The following GPC6 variants were observed in gnomAD, a reference collection of about 807,000 sequenced individuals.
The protein encoded by GPC6 is glypican 6.
Under a neutral mutation model 55.2 loss-of-function variants are expected in GPC6, and 14 were observed. That is an observed-to-expected ratio of 0.25 (90% CI 0.17 to 0.40). The LOEUF (loss-of-function observed/expected upper bound fraction) is 0.40. Among genes scored for constraint, GPC6 ranks in the 10% least tolerant of loss-of-function variants. The pLI is 1.00. For synonymous variants in GPC6, 278 were observed against 259.6 expected (o/e 1.07, Z -0.68); for missense variants, 641 against 708.5 (o/e 0.90, Z 1.08).
intron 1 of GPC6, among the ~76,000 whole-genome samples, chr13:93,478,499 A>G (rs544056849): frequency 1.3e-5 from 2 of 152,328 alleles, no homozygotes; most frequent in African/African-American, 4.8e-5. Context: ...CCAGAAAAAA[A>G]TTCCTGAAAT....
At chr13:93,851,034 A>C (rs1888374670) in intron 3 of GPC6, among the ~76,000 whole-genome samples, 1 of 151,962 alleles carries the variant, frequency 6.6e-6, no homozygotes, top group African/African-American at 2.4e-5. Context: ...TGGCTTGAGA[A>C]TCTAACTACT....
chr13:93,854,686 T>G (rs1364854885), intron 3 of GPC6, among the ~76,000 whole-genome samples: 1 of 151,782 alleles, frequency 6.6e-6, no homozygotes, highest in Non-Finnish European at 1.5e-5. Context: ...TTCTTATCCA[T>G]TAATCAACTA....
At chr13:93,348,490 C>T (rs1880506547) in intron 1 of GPC6, among the ~76,000 whole-genome samples, 2 of 152,086 alleles carry the variant, frequency 1.3e-5, no homozygotes, top group South Asian at 2.1e-4. Context: ...AGATTTTGTT[C>T]GCAGATGAAG....
At chr13:93,845,926 A>C (rs1013711969) in intron 3 of GPC6, among the ~76,000 whole-genome samples, 6 of 151,624 alleles carry the variant, frequency 4.0e-5, no homozygotes, top group African/African-American at 1.5e-4. Flanking sequence ...TGGCACATGT[A>C]TACATATGCA....
intron 3 of GPC6, among the ~76,000 whole-genome samples, chr13:93,912,226 T>G (rs1190331625): frequency 6.6e-6 from 1 of 152,244 alleles, no homozygotes; most frequent in African/African-American, 2.4e-5. Context: ...TTCAAACTAG[T>G]GATGTTTTGC....
intron 2 of GPC6, among the ~76,000 whole-genome samples, chr13:93,766,193 A>C (rs754186235): frequency 3.3e-5 from 5 of 152,234 alleles, no homozygotes; most frequent in Non-Finnish European, 7.3e-5. Flanking sequence ...ATTCAGCAAA[A>C]GAATTAAGAA....
chr13:94,012,459 A>G (rs2138700697), intron 3 of GPC6, among the ~76,000 whole-genome samples: 1 of 152,358 alleles, frequency 6.6e-6, no homozygotes, highest in East Asian at 1.9e-4. Context: ...ACTAGATAGC[A>G]TTAATGCAAC....
At chr13:93,989,932 G>GTATATATATATATATGTA (rs143198551) in intron 3 of GPC6, among the ~76,000 whole-genome samples, 3 of 146,110 alleles carry the variant, frequency 2.1e-5, no homozygotes, top group South Asian at 2.1e-4. Flanking sequence ...ATATATATAT[G>GTATATATATATATATGTA]TATATATATA....
intron 1 of GPC6, among the ~76,000 whole-genome samples, chr13:93,481,708 T>C (rs1879528828): frequency 6.6e-6 from 1 of 152,086 alleles, no homozygotes; most frequent in African/African-American, 2.4e-5. Context: ...ATTTCCTCCA[T>C]TGAATGGCCA....
rs147340937 is a variant in GPC6 at position 93,482,762 on chromosome 13, T to C, written c.161-62501T>C. ...TTTTCCTTTTTGTTACAGGAAATTA[T>C]AGACCCCAAATTGAGATGTATGAAA... On this transcript the variant is annotated intron_variant, in intron 1 of 8. Coordinates refer to ENST00000377047, the MANE Select transcript of GPC6 (RefSeq NM_005708.5). 7.4e-3 allele frequency among the ~76,000 whole-genome samples: 1,129 copies of C among 152,294 alleles called. 4 individuals carry two copies. The highest frequency in any genetic ancestry group is 0.01 in the Non-Finnish European group (708 of 68,024).
intron 5 of GPC6, among the ~76,000 whole-genome samples, chr13:94,295,776 A>G (rs901030564): frequency 5.9e-5 from 9 of 152,088 alleles, no homozygotes; most frequent in African/African-American, 1.9e-4. Flanking sequence ...CTTCTGCCTG[A>G]TTTCTAAGAA....
chr13:93,941,330 C>T (rs1352442981), intron 3 of GPC6, among the ~76,000 whole-genome samples: 1 of 152,080 alleles, frequency 6.6e-6, no homozygotes, highest in African/African-American at 2.4e-5. Context: ...TAGTAAAATG[C>T]TGTGCATGGT....
intron 4 of GPC6, among the ~76,000 whole-genome samples, chr13:94,266,411 G>A (rs569231402): frequency 1.1e-4 from 16 of 152,104 alleles, no homozygotes; most frequent in African/African-American, 2.2e-4. Context: ...CTCGTGATCC[G>A]CCCGCCTTGG....
chr13:94,295,754 G>A (rs1325422253), intron 5 of GPC6, among the ~76,000 whole-genome samples: 1 of 152,046 alleles, frequency 6.6e-6, no homozygotes, highest in Non-Finnish European at 1.5e-5. Context: ...TCATTGACAG[G>A]TTGTTTGGTC....
intron 4 of GPC6, among the ~76,000 whole-genome samples, chr13:94,038,065 TTTTA>T (rs1438974930): frequency 3.9e-5 from 6 of 152,088 alleles, no homozygotes; most frequent in Non-Finnish European, 8.8e-5. Context: ...AAACTAAATT[TTTTA>T]TTTACTTATT....
At chr13:93,456,172 T>G (rs1878446110) in intron 1 of GPC6, among the ~76,000 whole-genome samples, 1 of 149,854 alleles carries the variant, frequency 6.7e-6, no homozygotes, top group African/African-American at 2.4e-5. Context: ...GAACCCTTAA[T>G]CATTCATTGC....
At chr13:93,686,103 C>G (rs1414984878) in intron 2 of GPC6, among the ~76,000 whole-genome samples, 1 of 152,038 alleles carries the variant, frequency 6.6e-6, no homozygotes, top group Non-Finnish European at 1.5e-5. Flanking sequence ...TTTGATAAGT[C>G]AGCATTTATC....
intron 3 of GPC6, among the ~76,000 whole-genome samples, chr13:93,953,798 T>A (rs577404289): frequency 1.3e-5 from 2 of 152,314 alleles, no homozygotes; most frequent in South Asian, 4.1e-4. Context: ...AGTGAAACTT[T>A]AGGTTGAGTC....
intron 6 of GPC6, among the ~76,000 whole-genome samples, chr13:94,345,490 T>TA (rs1168836648): frequency 6.6e-6 from 1 of 152,232 alleles, no homozygotes; most frequent in Admixed American, 6.5e-5. Context: ...CATCTACTTT[T>TA]ATTTAGGGCT....
Sources: gnomAD v4.1 joint callset for allele counts (sites outside exome capture counted in the v4.1 genomes callset) on GRCh38, gnomAD v4.1.1 for gene constraint, MANE v1.5 for transcripts, NCBI Gene and HGNC (gene_info 2026-07-23, HGNC 2026-07-21) for gene names.